ANKS1A: variants seen among roughly 807,000 people sequenced by gnomAD.
ANKS1A encodes the protein ankyrin repeat and SAM domain-containing protein 1A.
Under a neutral mutation model 120.3 loss-of-function variants are expected in ANKS1A, and 55 were observed. The observed-to-expected ratio is 0.46, with a 90% CI of 0.37 to 0.57. The LOEUF is 0.57. Ranked by LOEUF, ANKS1A falls within the 20% of genes least tolerant of loss-of-function variation. ANKS1A has a pLI of 0.00. For missense variants in ANKS1A, 1,123 were observed against 1,480.3 expected, an observed-to-expected ratio of 0.76 and a Z score of 3.96; for synonymous variants, 590 against 604.7, an observed-to-expected ratio of 0.98 and a Z score of 0.36.
intron 10 of ANKS1A, among the ~76,000 whole-genome samples, chr6:34,997,880 A>G (rs1046522209): frequency 1.3e-5 from 2 of 152,246 alleles, no homozygotes; most frequent in African/African-American, 4.8e-5. Flanking sequence ...GGAACTGCCA[A>G]GGAGGACTTT....
At chr6:35,068,826 C>T (rs1011919878) in intron 13 of ANKS1A, among the ~76,000 whole-genome samples, 3 of 152,246 alleles carry the variant, frequency 2.0e-5, no homozygotes, top group South Asian at 4.1e-4. Context: ...GCAAAGTGAC[C>T]GTCTGAGAAG....
rs200496670 is a variant in ANKS1A at position 34,969,451 on chromosome 6, C to T, written c.279-559C>T. Among the ~76,000 whole-genome samples the T allele has an allele frequency of 2.6e-5, 4 of 152,228 alleles. No homozygotes were observed. The East Asian group carries it at 5.8e-4, about 22-fold the overall frequency. On this transcript the variant is annotated intron_variant, in intron 2 of 23. Coordinates refer to ENST00000360359, the MANE Select transcript of ANKS1A (RefSeq NM_015245.3). ...TGTATTTTTAGCAGAGACGGGCTTTCGCCATGTTGGCCAGGCTGGTCTTGA... is the reference window on the plus strand; with the variant it reads ...TGTATTTTTAGCAGAGACGGGCTTTTGCCATGTTGGCCAGGCTGGTCTTGA...
intron 16 of ANKS1A, among the ~76,000 whole-genome samples, chr6:35,080,552 TC>T (rs568830435): frequency 7.2e-5 from 11 of 152,140 alleles, no homozygotes; most frequent in Non-Finnish European, 1.6e-4. Context: ...GTCCTGTTCA[TC>T]CTCCTTTTAC....
At chr6:34,934,240 C>T (rs991037354) in intron 1 of ANKS1A, among the ~76,000 whole-genome samples, 41 of 152,208 alleles carry the variant, frequency 2.7e-4, no homozygotes, top group African/African-American at 7.9e-4. Flanking sequence ...CTCCACCTCC[C>T]GGGTTCACGC....
downstream of ANKS1A, among the ~76,000 whole-genome samples, chr6:35,092,365 T>C (rs557395928): frequency 1.3e-5 from 2 of 152,228 alleles, no homozygotes; most frequent in African/African-American, 4.8e-5. Context: ...CAATAGTTGT[T>C]TATGTCTAAA....
intron 1 of ANKS1A, among the ~76,000 whole-genome samples, chr6:34,926,024 A>G (rs1236919459): frequency 6.6e-6 from 1 of 152,250 alleles, no homozygotes; most frequent in Non-Finnish European, 1.5e-5. Flanking sequence ...GTTAGGAAGT[A>G]AAACTAGAGG....
chr6:34,969,254 T>C (rs1771060778), intron 2 of ANKS1A, among the ~76,000 whole-genome samples: 1 of 152,132 alleles, frequency 6.6e-6, no homozygotes, highest in Admixed American at 6.5e-5. Context: ...ACTATTTATT[T>C]ATTTATTTAT....
At chr6:34,975,824 C>T (rs1771546157) in intron 3 of ANKS1A, among the ~76,000 whole-genome samples, 1 of 151,864 alleles carries the variant, frequency 6.6e-6, no homozygotes, top group Non-Finnish European at 1.5e-5. Flanking sequence ...AATGCAAACC[C>T]TTCTTGAGCT....
chr6:35,092,344 T>C (rs1043469360), downstream of ANKS1A, among the ~76,000 whole-genome samples: 7 of 152,238 alleles, frequency 4.6e-5, no homozygotes, highest in Non-Finnish European at 7.3e-5. Flanking sequence ...AGTACCCATA[T>C]TGAACATAAA....
intron 10 of ANKS1A, chr6:35,005,653 C>G (rs959488365): frequency 2.4e-6 from 1 of 417,406 alleles, no homozygotes; most frequent in African/African-American, 2.1e-5. Flanking sequence ...AGTAAAGAAA[C>G]CAAAAGGAGA....
intron 11 of ANKS1A, chr6:35,023,797 TG>T: frequency 3.8e-6 from 1 of 265,978 alleles, no homozygotes; most frequent in Non-Finnish European, 7.7e-6. Flanking sequence ...TATTTAGAGA[TG>T]GTGACATTCT....
At chr6:34,975,121 G>C (rs1027245455) in intron 3 of ANKS1A, among the ~76,000 whole-genome samples, 4 of 152,106 alleles carry the variant, frequency 2.6e-5, no homozygotes, top group Admixed American at 1.3e-4. Flanking sequence ...AATTCCCTTT[G>C]CCTCTTCCCT....
intron 2 of ANKS1A, among the ~76,000 whole-genome samples, chr6:34,969,398 G>T (rs1771068555): frequency 6.6e-6 from 1 of 152,124 alleles, no homozygotes; most frequent in Non-Finnish European, 1.5e-5. Flanking sequence ...GGAATTATAG[G>T]TGCCCACCAC....
chr6:35,036,825 C>T (rs1232363105), intron 11 of ANKS1A, among the ~76,000 whole-genome samples: 4 of 152,196 alleles, frequency 2.6e-5, no homozygotes, highest in Non-Finnish European at 4.4e-5. Context: ...CAGCATCACC[C>T]GTCCCTAGGA....
chr6:34,905,940 G>T (rs1169662280), intron 1 of ANKS1A, among the ~76,000 whole-genome samples: 1 of 152,064 alleles, frequency 6.6e-6, no homozygotes, highest in Non-Finnish European at 1.5e-5. Context: ...GAAGGGAAGA[G>T]GACATGGCTA....
rs529166668 is a variant in ANKS1A, at chr6:35,009,484, T to G, written c.1424-7989T>G. 8.5e-5 allele frequency among the ~76,000 whole-genome samples: 13 copies of G among 152,270 alleles called. No homozygotes were observed. In the South Asian group the frequency reaches 2.5e-3, roughly 29 times the overall value. ...CAAATGTGTTAAGTTTGAGGTGTTT[T>G]AGGTACCAGAGAACATCCAAGTGAA... On this transcript the variant is annotated intron_variant, in intron 10 of 23. Transcript: ENST00000360359.
chr6:34,943,365 C>T (rs568713524), intron 1 of ANKS1A, among the ~76,000 whole-genome samples: 1 of 152,272 alleles, frequency 6.6e-6, no homozygotes, highest in African/African-American at 2.4e-5. Flanking sequence ...AACACCTTGC[C>T]TGTGTGATAC....
chr6:35,016,155 G>A (rs1300610600), intron 10 of ANKS1A, among the ~76,000 whole-genome samples: 5 of 152,216 alleles, frequency 3.3e-5, no homozygotes, highest in Admixed American at 6.5e-5. Context: ...TCACTGCCAA[G>A]GCCACACAGC....
At chr6:34,937,312 T>C (rs555343641) in intron 1 of ANKS1A, among the ~76,000 whole-genome samples, 1 of 150,652 alleles carries the variant, frequency 6.6e-6, no homozygotes, top group African/African-American at 2.4e-5. Context: ...CTTAAAAAAA[T>C]ATATATATAT....
Sources: gnomAD v4.1 joint callset for allele counts (sites outside exome capture counted in the v4.1 genomes callset) on GRCh38, gnomAD v4.1.1 for gene constraint, MANE v1.5 for transcripts, NCBI Gene and HGNC (gene_info 2026-07-23, HGNC 2026-07-21) for gene names.